Variants in ANKRD11 observed in about 807,000 individuals in gnomAD.
ANKRD11 encodes ankyrin repeat domain-containing protein 11.
In ANKRD11, 17 loss-of-function variants were observed where a neutral mutation model predicts 195.7. That is an observed-to-expected ratio of 0.09 (90% CI 0.06 to 0.13). The LOEUF is 0.13. ANKRD11 is among the 10% of genes least tolerant of loss of function. The probability of loss-of-function intolerance (pLI) is 1.00; values close to 1 mark genes in which losing one functional copy is unlikely to be tolerated. For missense variants in ANKRD11, 3,735 were observed against 3,566.1 expected (o/e 1.05, Z -1.21); for synonymous variants, 1,953 against 1,528.1 (o/e 1.28, Z -6.49).
intron 1 of ANKRD11, among the ~76,000 whole-genome samples, chr16:89,460,973 C>A (rs1436319950): frequency 1.8e-5 from 2 of 108,262 alleles, no homozygotes; most frequent in African/African-American, 3.5e-5. Flanking sequence ...CGTATGACCC[C>A]CCCCCCCAAC....
intron 2 of ANKRD11, among the ~76,000 whole-genome samples, chr16:89,345,305 G>C (rs920414556): frequency 4.6e-4 from 62 of 134,916 alleles, no homozygotes; most frequent in African/African-American, 1.8e-3. Flanking sequence ...ACAAACGGAT[G>C]GAAAGCACTC....
chr16:89,419,794 C>T (rs1171122894), intron 1 of ANKRD11, among the ~76,000 whole-genome samples: 2 of 150,636 alleles, frequency 1.3e-5, no homozygotes, highest in African/African-American at 5.0e-5. Context: ...TTCCTCCTTA[C>T]ACTCCTGGAA....
chr16:89,449,898 C>T (rs1390169316), intron 1 of ANKRD11, among the ~76,000 whole-genome samples: 2 of 152,170 alleles, frequency 1.3e-5, no homozygotes, highest in Non-Finnish European at 2.9e-5. Flanking sequence ...CAGGCAGAGC[C>T]ACACTGAAGA....
intron 2 of ANKRD11, among the ~76,000 whole-genome samples, chr16:89,354,528 G>A (rs1054242004): frequency 6.6e-6 from 1 of 152,318 alleles, no homozygotes; most frequent in African/African-American, 2.4e-5. Flanking sequence ...TTGATAGGGA[G>A]GGCACTTCTA....
intron 11 of ANKRD11, among the ~76,000 whole-genome samples, chr16:89,274,288 A>G (rs1375369420): frequency 1.3e-5 from 2 of 152,200 alleles, no homozygotes; most frequent in African/African-American, 2.4e-5. Flanking sequence ...CAGTGACTGT[A>G]GTTCTGGAAC....
chr16:89,442,484 C>G (rs2043557751), intron 1 of ANKRD11, among the ~76,000 whole-genome samples: 1 of 152,160 alleles, frequency 6.6e-6, no homozygotes, highest in East Asian at 1.9e-4. Context: ...CCCCTTTATG[C>G]ACAGCTTCCC....
intron 2 of ANKRD11, among the ~76,000 whole-genome samples, chr16:89,413,518 G>A (rs564545033): frequency 3.9e-5 from 6 of 152,266 alleles, no homozygotes; most frequent in African/African-American, 1.4e-4. Context: ...CCAGCTACTT[G>A]GGAGGCTGAG....
At chr16:89,369,154 C>A (rs1176508974) in intron 2 of ANKRD11, among the ~76,000 whole-genome samples, 2 of 152,194 alleles carry the variant, frequency 1.3e-5, no homozygotes, top group African/African-American at 4.8e-5. Flanking sequence ...CAGATCACAG[C>A]ATAAGCACCC....
At chr16:89,470,417 C>A (rs1001058939) in intron 1 of ANKRD11, among the ~76,000 whole-genome samples, 3 of 152,122 alleles carry the variant, frequency 2.0e-5, no homozygotes, top group African/African-American at 4.8e-5. Context: ...TATCCAGGTC[C>A]AGGTCAACGC....
In ANKRD11 at chr16:89,285,597, G is replaced by A. The variant is rs780080339; in HGVS notation, c.945C>T (p.Asp315=). 8.7e-6 allele frequency: 14 copies of A among 1,614,032 alleles called. No individual in the cohort carries two copies. The highest frequency in any genetic ancestry group is 3.3e-5 in the Admixed American group (2 of 60,002). Residue 315 remains aspartate, a synonymous_variant, in exon 9 of 13, where the codon GAC becomes GAT. Transcript: ENST00000301030. This position sits in a 1 kb window ranked among gnomAD's most constrained non-coding sequence, Gnocchi z 5.6. ...APSFAPSSSV[D]GNNTDSEFEK... ...CGAACTCGGAGTCCGTGTTGTTGCC[G>A]TCGACTGAACTGGAAGGTGCGAAGG...
At chr16:89,471,435 T>C (rs761648243) in intron 1 of ANKRD11, among the ~76,000 whole-genome samples, 1 of 152,088 alleles carries the variant, frequency 6.6e-6, no homozygotes, top group Non-Finnish European at 1.5e-5. Context: ...TGATTCTCTT[T>C]GCTAGAGGCT....
At chr16:89,422,032 G>C (rs950461629) in intron 1 of ANKRD11, 6 of 152,322 alleles carry the variant, frequency 3.9e-5, no homozygotes, top group African/African-American at 1.2e-4. Flanking sequence ...GGAGCAATGT[G>C]AGGTTTTAAA....
intron 4 of ANKRD11, chr16:89,299,272 G>T: frequency 5.1e-6 from 1 of 195,666 alleles, no homozygotes; most frequent in Non-Finnish European, 1.1e-5. Context: ...ACAGGGGAGG[G>T]GCCTGGCCTT....
rs139316660 is a variant in ANKRD11 at position 89,488,801 on chromosome 16, G to A, written c.-145+1444C>T. ...TCTCATTTCAAGTGTTAAGGATATT[G>A]CTCTAATGACTGCATAAAACTCTCT... On this transcript the variant is annotated intron_variant, in intron 1 of 12. Transcript: ENST00000301030. 3.2e-3 allele frequency among the ~76,000 whole-genome samples: 488 copies of A among 152,252 alleles called. 2 individuals are homozygous for A. Among genetic ancestry groups the A allele is most frequent in the African/African-American group, 0.011 (470 of 41,540 alleles).
At position 89,281,312 on chromosome 16, in the gene ANKRD11, G is replaced by A; in HGVS notation, c.5230C>T (p.His1744Tyr). The A allele has an allele frequency of 6.2e-7, 1 of 1,614,012 alleles. No individual in the cohort carries two copies. The highest frequency in any genetic ancestry group is 8.5e-7 in the Non-Finnish European group (1 of 1,179,918). Residue 1744 changes from histidine (H) to tyrosine (Y), a missense_variant, in exon 9 of 13, where the codon CAC becomes TAC. Physicochemically the swap from His to Tyr is moderately conservative, Grantham distance 83 (BLOSUM62 2). Coordinates refer to ENST00000301030, the MANE Select transcript of ANKRD11 (RefSeq NM_013275.6). The surrounding 1 kb of genome is among the most constrained non-coding windows in gnomAD (Gnocchi z 5.5). The stretch of plus-strand genomic sequence containing the variant: ...GGAGCGGTGGGCACGGGCGTGGAGT[G>A]CTGCGAGTCGGCGCAGTCGAACACG... ...DLVFDCADSQHSTPVPTAPTS... is the reference protein window; with the variant it reads ...DLVFDCADSQYSTPVPTAPTS...
intron 2 of ANKRD11, 32 bp from the exon 3 acceptor site, chr16:89,317,110 T>A (rs113663915): frequency 7.1e-7 from 1 of 1,405,502 alleles, no homozygotes; most frequent in South Asian, 1.2e-5. Flanking sequence ...ATTCACTGAA[T>A]TCAGAGGCAG....
intron 1 of ANKRD11, among the ~76,000 whole-genome samples, chr16:89,453,061 C>T (rs370615539): frequency 6.6e-5 from 10 of 152,308 alleles, no homozygotes; most frequent in African/African-American, 2.2e-4. Context: ...GCTGGGATGA[C>T]AGATGTAAGC....
chr16:89,468,817 G>T (rs1005631939), intron 1 of ANKRD11, among the ~76,000 whole-genome samples: 1 of 152,174 alleles, frequency 6.6e-6, no homozygotes, highest in African/African-American at 2.4e-5. Context: ...AACGTACAGG[G>T]CTCAGCTGAC....
In ANKRD11 at chr16:89,469,771, C is replaced by T. The variant is rs1238233087; in HGVS notation, c.-145+20474G>A. ...AAAAATAGCTGGGCGTGGTGGCGGG[C>T]GCCTGTAGTCCCAGCTACTCGGGAG... On this transcript the variant is annotated intron_variant, in intron 1 of 12. Coordinates refer to ENST00000301030, the MANE Select transcript of ANKRD11 (RefSeq NM_013275.6). Among the ~76,000 whole-genome samples the T allele has an allele frequency of 1.1e-4, 16 of 146,632 alleles. No individual in the cohort carries two copies. In the South Asian group the frequency reaches 2.6e-3, roughly 24 times the overall value.
Sources: allele counts gnomAD v4.1 joint callset (sites outside exome capture counted in the v4.1 genomes callset), GRCh38; gene constraint gnomAD v4.1.1; non-coding constraint Gnocchi (gnomAD v3.1); transcripts MANE v1.5; gene names NCBI Gene and HGNC (gene_info 2026-07-23, HGNC 2026-07-21).